Variants in OTUD7A observed in about 807,000 individuals in gnomAD.
OTUD7A encodes the protein OTU domain-containing protein 7A.
A neutral mutation model predicts 65.7 loss-of-function variants in OTUD7A; 12 were observed. The observed-to-expected ratio is 0.18, with a 90% CI of 0.12 to 0.30. The LOEUF (loss-of-function observed/expected upper bound fraction) is 0.30, where lower values mean the gene tolerates loss of function less well. OTUD7A is among the 10% of genes least tolerant of loss of function. OTUD7A has a pLI of 1.00. For missense variants in OTUD7A, 1,148 were observed against 1,304.8 expected (o/e 0.88, Z 1.85); for synonymous variants, 641 against 586.3 (o/e 1.09, Z -1.35).
At chr15:31,486,591 C>T (rs926505214) in intron 12 of OTUD7A, among the ~76,000 whole-genome samples, 1 of 83,570 alleles carries the variant, frequency 1.2e-5, no homozygotes, top group Non-Finnish European at 2.4e-5. Context: ...TCAGCGTTTG[C>T]AAGCAGGGGC....
At chr15:31,722,300 T>A (rs3874359) in intron 1 of OTUD7A, among the ~76,000 whole-genome samples, 3 of 151,830 alleles carry the variant, frequency 2.0e-5, no homozygotes, top group African/African-American at 4.8e-5. Context: ...CTGCCACAGC[T>A]CCCATCTAGA....
chr15:31,561,997 T>C (rs1225522119), intron 4 of OTUD7A, among the ~76,000 whole-genome samples: 1 of 152,216 alleles, frequency 6.6e-6, no homozygotes, highest in African/African-American at 2.4e-5. Flanking sequence ...ATTAACTATA[T>C]ATTCTTTTTT....
At position 31,483,311 on chromosome 15, in the gene OTUD7A, G is replaced by A; in HGVS notation, c.2785C>T (p.Arg929Cys). ...CGCGCCGCTCAGGGCCGGGCCCCGC[G>A]CGCCTCGCGCCGCCGCCGCAGCTCC... ...REELRRRREA[R>C]GARP The change falls in exon 13 of 13, where the codon CGC (arginine) becomes TGC (cysteine). Residue 929 changes from arginine (R) to cysteine (C), a missense_variant. By Grantham distance (180) the Arg-to-Cys change is radical (BLOSUM62 -3). Transcript: ENST00000307050. The A allele has an allele frequency of 1.7e-6, 2 of 1,190,772 alleles. No individual in the cohort carries two copies. Among genetic ancestry groups the A allele is most frequent in the Non-Finnish European group, 2.1e-6 (2 of 959,574 alleles). 73.8% of individuals were successfully genotyped at this position (1,190,772 alleles called of 1,614,324 possible).
chr15:31,678,094 C>T (rs1313705004), intron 1 of OTUD7A, among the ~76,000 whole-genome samples: 1 of 152,176 alleles, frequency 6.6e-6, no homozygotes, highest in Non-Finnish European at 1.5e-5. Flanking sequence ...TGCCCCTGCC[C>T]TAGGGATCTG....
chr15:31,734,190 C>T lies in OTUD7A; in HGVS notation c.-99-77113G>A, dbSNP rs376829562. ...AAGAATAAAATACCAAGGAATACAGCTAACCAGGGAGGTTAAAAATCTCTA... is the reference window on the plus strand; with the variant it reads ...AAGAATAAAATACCAAGGAATACAGTTAACCAGGGAGGTTAAAAATCTCTA... On this transcript the variant is annotated intron_variant, in intron 1 of 12. Transcript: ENST00000307050. Among the ~76,000 whole-genome samples the T allele has an allele frequency of 3.2e-4, 49 of 152,224 alleles. No individual in the cohort carries two copies. In the South Asian group the frequency reaches 9.3e-3, roughly 29 times the overall value.
At chr15:31,665,794 G>T (rs1892301798) in intron 1 of OTUD7A, among the ~76,000 whole-genome samples, 1 of 152,178 alleles carries the variant, frequency 6.6e-6, no homozygotes, top group South Asian at 2.1e-4. Flanking sequence ...CTATGGGTTT[G>T]TCACAGATGG....
At chr15:31,797,423 G>A (rs1046018379) in intron 1 of OTUD7A, among the ~76,000 whole-genome samples, 1 of 152,172 alleles carries the variant, frequency 6.6e-6, no homozygotes, top group Non-Finnish European at 1.5e-5. Flanking sequence ...TCAACGACGA[G>A]TACCTATTCC....
At chr15:31,591,578 C>G (rs547936302) in intron 3 of OTUD7A, among the ~76,000 whole-genome samples, 123 of 152,270 alleles carry the variant, frequency 8.1e-4, no homozygotes, top group African/African-American at 2.9e-3. Flanking sequence ...GGAACTTACA[C>G]CCCCAGCTCT....
At chr15:31,522,000 G>T (rs4779889) in intron 8 of OTUD7A, among the ~76,000 whole-genome samples, 27,606 of 152,226 alleles carry the variant, frequency 0.18, 2,996 homozygotes, top group East Asian at 0.37. Context: ...ATAAGTTGTT[G>T]ATTCCTACTC....
chr15:31,626,630 C>T (rs1890961535), intron 3 of OTUD7A, among the ~76,000 whole-genome samples: 1 of 152,120 alleles, frequency 6.6e-6, no homozygotes, highest in Admixed American at 6.6e-5. Flanking sequence ...AGTTGGATTG[C>T]AGTGGTGCAA....
chr15:31,492,940 A>G (rs2141071668), intron 10 of OTUD7A, among the ~76,000 whole-genome samples: 1 of 152,300 alleles, frequency 6.6e-6, no homozygotes, highest in East Asian at 1.9e-4. Context: ...AGGGCCAGGC[A>G]CTGTGGCTCA....
intron 1 of OTUD7A, among the ~76,000 whole-genome samples, chr15:31,723,394 A>ACCCCCCCCCCCCCCCCCC (rs56722732): frequency 2.2e-5 from 1 of 44,786 alleles, no homozygotes; most frequent in Non-Finnish European, 4.2e-5. Flanking sequence ...ACCGCACGCC[A>ACCCCCCCCCCCCCCCCCC]CCCCCCCCCC....
At chr15:31,726,925 C>T (rs1197504128) in intron 1 of OTUD7A, among the ~76,000 whole-genome samples, 1 of 152,214 alleles carries the variant, frequency 6.6e-6, no homozygotes, top group Non-Finnish European at 1.5e-5. Flanking sequence ...CGGCCTGCTT[C>T]ACTATGTCCT....
intron 1 of OTUD7A, among the ~76,000 whole-genome samples, chr15:31,838,818 T>A (rs17604644): frequency 2.0e-5 from 3 of 151,842 alleles, no homozygotes; most frequent in Non-Finnish European, 4.4e-5. Flanking sequence ...CTACTAGTCC[T>A]AACTCATTTT....
At chr15:31,546,162 G>A (rs1888124740) in intron 5 of OTUD7A, among the ~76,000 whole-genome samples, 1 of 152,170 alleles carries the variant, frequency 6.6e-6, no homozygotes, top group Non-Finnish European at 1.5e-5. Context: ...TCAGTATCTG[G>A]AGGGTCCTGG....
chr15:31,840,819 G>T (rs562435886), intron 1 of OTUD7A, among the ~76,000 whole-genome samples: 2 of 152,286 alleles, frequency 1.3e-5, no homozygotes, highest in South Asian at 2.1e-4. Flanking sequence ...TATAGAATTT[G>T]CTATCTACCA....
In OTUD7A at chr15:31,504,655, T is replaced by C. The variant is rs539997134; in HGVS notation, c.894-837A>G. On this transcript the variant is annotated intron_variant, in intron 8 of 12. Coordinates refer to ENST00000307050, the MANE Select transcript of OTUD7A (RefSeq NM_001382637.1). Reference sequence around the variant, plus strand: ...GACTCCCCAGAGGTGGCTCTCAGACTTGTTCCTGAGTGTTTGAGGAATGCT... The same window carrying C: ...GACTCCCCAGAGGTGGCTCTCAGACCTGTTCCTGAGTGTTTGAGGAATGCT... Among the ~76,000 whole-genome samples the C allele has an allele frequency of 2.8e-4, 42 of 152,290 alleles. 1 individual carries two copies. The highest frequency in any genetic ancestry group is 9.9e-4 in the African/African-American group (41 of 41,556).
chr15:31,849,833 A>G (rs1014852210), intron 1 of OTUD7A, among the ~76,000 whole-genome samples: 4 of 152,248 alleles, frequency 2.6e-5, no homozygotes, highest in Non-Finnish European at 5.9e-5. Context: ...CAGAAATGCA[A>G]ATCAAAACCA....
At chr15:31,661,120 A>G (rs1892151388) in intron 1 of OTUD7A, among the ~76,000 whole-genome samples, 1 of 152,272 alleles carries the variant, frequency 6.6e-6, no homozygotes, top group African/African-American at 2.4e-5. Flanking sequence ...GATTGGAAGC[A>G]AAACAATTCC....
Sources: gnomAD v4.1 joint callset for allele counts (sites outside exome capture counted in the v4.1 genomes callset) on GRCh38, gnomAD v4.1.1 for gene constraint, MANE v1.5 for transcripts, NCBI Gene and HGNC (gene_info 2026-07-23, HGNC 2026-07-21) for gene names.